The following JMJD7 variants were observed in gnomAD, a reference collection of about 807,000 sequenced individuals.
JMJD7 encodes bifunctional peptidase and (3S)-lysyl hydroxylase JMJD7.
A neutral mutation model predicts 41.1 loss-of-function variants in JMJD7; 41 were observed. That is an observed-to-expected ratio of 1.00 (90% CI 0.78 to 1.30). The LOEUF (loss-of-function observed/expected upper bound fraction) is 1.30, where lower values mean the gene tolerates loss of function less well. Ranked by LOEUF, JMJD7 falls within the 50% of genes most tolerant of loss-of-function variation. JMJD7 has a pLI of 0.00. For synonymous variants in JMJD7, 202 were observed against 177.2 expected, an observed-to-expected ratio of 1.14 and a Z score of -1.11; for missense variants, 480 against 420.7, an observed-to-expected ratio of 1.14 and a Z score of -1.23.
At chr15:41,833,414 A>ATATTTTTTTTTTTTTTTTTTTTTTT in intron 1 of JMJD7, among the ~76,000 whole-genome samples, 1 of 32,012 alleles carries the variant, frequency 3.1e-5, no homozygotes, top group African/African-American at 9.4e-5. Context: ...ATATATATAT[A>ATATTTTTTTTTTTTTTTTTTTTTTT]TTTTTTTTTT....
intron 1 of JMJD7, among the ~76,000 whole-genome samples, chr15:41,832,139 T>G (rs1343560898): frequency 6.6e-6 from 1 of 152,204 alleles, no homozygotes; most frequent in Non-Finnish European, 1.5e-5. Context: ...CACCTGAAGC[T>G]GCCTGCCCCA....
In JMJD7 at chr15:41,836,497, C is replaced by A. The variant is rs1280118019; in HGVS notation, c.648C>A (p.Tyr216Ter). ...CAGAGCTGTACACGCCGGCAACCTA[C>A]CAGCTAACTGAAGAGGGCACCTTTA... ...IPYELYTPAT[Y>*]QLTEEGTFKV... The change falls in exon 6 of 8, where the codon TAC (tyrosine) becomes TAA (stop). Residue 216 changes from tyrosine to a stop codon, truncating the protein, a stop_gained. Transcript: ENST00000397299. LOFTEE classifies it high-confidence loss of function. 4 of 1,591,654 alleles carry A rather than the reference C, an allele frequency of 2.5e-6. No homozygotes were observed. Among genetic ancestry groups the A allele is most frequent in the Non-Finnish European group, 3.4e-6 (4 of 1,168,620 alleles).
chr15:41,836,443 A>G (rs1034306066), intron 5 of JMJD7, 32 bp from the exon 6 acceptor site: 43 of 1,562,574 alleles, frequency 2.8e-5, no homozygotes, highest in Non-Finnish European at 3.6e-5. Flanking sequence ...GCTGTTTGCA[A>G]TTCCCCCACA....
rs2065325985 is a variant in JMJD7 at position 41,836,807 on chromosome 15, G to A, written c.729G>A (p.Leu243=). Residue 243 remains leucine, a synonymous_variant, in exon 7 of 8, where the codon TTG becomes TTA. Transcript: ENST00000397299. ...EKVPWIPLDP[L]APDLARYPSY... ...TGCCCTGGATCCCACTGGACCCCTT[G>A]GCGCCAGACCTAGCACGGTACCCTA... 1 of 1,611,258 alleles carries A rather than the reference G, an allele frequency of 6.2e-7. No individual in the cohort carries two copies. The highest frequency in any genetic ancestry group is 8.5e-7 in the Non-Finnish European group (1 of 1,179,026).
intron 1 of JMJD7, 62 bp from the exon 2 acceptor site, chr15:41,834,678 G>C: frequency 6.3e-7 from 1 of 1,580,518 alleles, no homozygotes; most frequent in Non-Finnish European, 8.6e-7. Context: ...GGCATCTCTT[G>C]GGCAGGGACT....
In JMJD7 at chr15:41,828,148, C is replaced by G. The variant is rs373676102; in HGVS notation, c.24C>G (p.Ala8=). ...CCATGGCGGAGGCGGCTTTGGAAGC[C>G]GTGCGGAGCGAGTTACGAGAATTCC... MAEAALE[A]VRSELREFPA... is the part of the protein sequence containing the mutation. Residue 8 remains alanine, a synonymous_variant, in exon 1 of 8, where the codon GCC becomes GCG. Transcript: ENST00000397299. The G allele has an allele frequency of 1.3e-6, 2 of 1,483,860 alleles. No homozygotes were observed. The highest frequency in any genetic ancestry group is 8.9e-7 in the Non-Finnish European group (1 of 1,124,138). The allele number at this position is 1,483,860 out of a possible 1,614,324, so 91.9% of individuals were successfully genotyped here.
At chr15:41,828,320 C>A in intron 1 of JMJD7, 132 bp downstream of exon 1, 2 of 1,106,062 alleles carry the variant, frequency 1.8e-6, no homozygotes, top group Non-Finnish European at 2.4e-6. Context: ...TCTTCTGTGG[C>A]AACCTGCTTC....
At chr15:41,829,437 G>A (rs2140872431) in intron 1 of JMJD7, 1 of 152,366 alleles carries the variant, frequency 6.6e-6, no homozygotes, top group South Asian at 2.1e-4. Context: ...CAGCACCTGG[G>A]AGTAGCTGAG....
rs868083668 is a variant in JMJD7 at position 41,832,987 on chromosome 15, C to T, written c.65-1753C>T. 5.9e-5 allele frequency among the ~76,000 whole-genome samples: 9 copies of T among 152,232 alleles called. No individual in the cohort carries two copies. In the East Asian group the frequency reaches 1.3e-3, roughly 23 times the overall value. On this transcript the variant is annotated intron_variant, in intron 1 of 7. Transcript: ENST00000397299. ...AGAGGGTGTGTGGCAAGGGCAGGCA[C>T]GAGACAGGAAATCAGACTGGAAGAG...
Position 41,837,410 on chromosome 15 carries a change from T to C in JMJD7, c.*254T>C. 1 of 537,614 alleles carries C rather than the reference T, an allele frequency of 1.9e-6. No individual in the cohort carries two copies. The highest frequency in any genetic ancestry group is 3.3e-6 in the Non-Finnish European group (1 of 302,450). 33.3% of individuals were successfully genotyped at this position (537,614 alleles called of 1,614,324 possible). ...TGGGGATCAGGTGCAGCGGCACCTC[T>C]CCCCAGCGCTGTGATGTTGGGCGAG... On this transcript the variant is annotated 3_prime_UTR_variant, in exon 8 of 8. Transcript: ENST00000397299.
rs200929372 is a variant in JMJD7, at chr15:41,836,264, G to T, written c.625+21G>T. 2.5e-6 allele frequency: 4 copies of T among 1,611,806 alleles called. No homozygotes were observed. The East Asian group carries it at 8.9e-5, about 36-fold the overall frequency. On this transcript the variant is annotated intron_variant, in intron 5 of 7. Transcript: ENST00000397299. The stretch of plus-strand genomic sequence containing the variant: ...CTATGGTAGGGGATGTGGCCTGCAG[G>T]GAGGGGCTGGGGAACAGCTGGCCCA...
chr15:41,829,228 A>G (rs1322536693), intron 1 of JMJD7: 1 of 152,252 alleles, frequency 6.6e-6, no homozygotes, highest in East Asian at 1.9e-4. Context: ...CTTTGGGAGT[A>G]TGCCTGATGT....
intron 1 of JMJD7, among the ~76,000 whole-genome samples, chr15:41,831,174 A>G (rs1412163221): frequency 6.6e-6 from 1 of 152,204 alleles, no homozygotes. Context: ...CAGCCAGACC[A>G]GAAGAGACGA....
chr15:41,836,817 C>G lies in JMJD7; in HGVS notation c.739C>G (p.Leu247Val). Residue 247 changes from leucine to valine, a missense_variant, in exon 7 of 8, where the codon CTA becomes GTA. Leu to Val is a conservative substitution (Grantham distance 32, BLOSUM62 1). Coordinates refer to ENST00000397299, the MANE Select transcript of JMJD7 (RefSeq NM_001114632.2). ...CCCACTGGACCCCTTGGCGCCAGAC[C>G]TAGCACGGTACCCTAGTTACAGTCA... ...WIPLDPLAPD[L>V]ARYPSYSQAQ... 1 of 1,612,344 alleles carries G rather than the reference C, an allele frequency of 6.2e-7. No individual in the cohort carries two copies. The highest frequency in any genetic ancestry group is 2.2e-5 in the East Asian group (1 of 44,844).
rs950352223 is a variant in JMJD7, at chr15:41,837,229, C to T, written c.*73C>T. On this transcript the variant is annotated 3_prime_UTR_variant, in exon 8 of 8. Transcript: ENST00000397299. ...GCCCCTCCCTGGCCAGGTCAATTCTCGAGAGAGCCTGGAGTGTGCATGCTG... is the reference window on the plus strand; with the variant it reads ...GCCCCTCCCTGGCCAGGTCAATTCTTGAGAGAGCCTGGAGTGTGCATGCTG... 34 of 1,065,542 alleles carry T rather than the reference C, an allele frequency of 3.2e-5. No homozygotes were observed. The highest frequency in any genetic ancestry group is 4.1e-5 in the South Asian group (3 of 73,212). The allele number at this position is 1,065,542 out of a possible 1,614,324, so 66.0% of individuals were successfully genotyped here.
intron 1 of JMJD7, among the ~76,000 whole-genome samples, chr15:41,830,339 G>A (rs2065211365): frequency 6.6e-6 from 1 of 152,242 alleles, no homozygotes; most frequent in Non-Finnish European, 1.5e-5. Context: ...CGGAACACAG[G>A]ACTACTAGGC....
intron 1 of JMJD7, among the ~76,000 whole-genome samples, chr15:41,830,986 C>T (rs1172641407): frequency 6.6e-6 from 1 of 152,160 alleles, no homozygotes; most frequent in Non-Finnish European, 1.5e-5. Flanking sequence ...TGGAAGGTGG[C>T]GGGTCCCGGT....
At chr15:41,836,694 G>A (rs2065323384) in intron 6 of JMJD7, 87 bp from the exon 7 acceptor site, 1 of 1,491,404 alleles carries the variant, frequency 6.7e-7, no homozygotes, top group Non-Finnish European at 8.9e-7. Flanking sequence ...GCCAAGCAGG[G>A]CCTGTGGTGT....
At chr15:41,835,806 C>T (rs1479961906) in intron 4 of JMJD7, among the ~76,000 whole-genome samples, 162 bp downstream of exon 4, 2 of 152,308 alleles carry the variant, frequency 1.3e-5, no homozygotes, top group East Asian at 3.9e-4. Flanking sequence ...TTTCCCCTGA[C>T]AGCTGAGGTC....
Sources: allele counts gnomAD v4.1 joint callset (sites outside exome capture counted in the v4.1 genomes callset), GRCh38; gene constraint gnomAD v4.1.1; transcripts MANE v1.5; gene names NCBI Gene and HGNC (gene_info 2026-07-23, HGNC 2026-07-21).